Variants in CAMK1D observed in about 807,000 individuals in gnomAD.
CAMK1D encodes calcium/calmodulin dependent protein kinase ID.
CAMK1D carries 9 observed loss-of-function variants against 47.7 expected under a neutral mutation model. That is an observed-to-expected ratio of 0.19 (90% CI 0.11 to 0.33). CAMK1D has a LOEUF of 0.33. CAMK1D is among the 10% of genes least tolerant of loss of function. The pLI is 1.00. For missense variants in CAMK1D, 291 were observed against 488.7 expected, an observed-to-expected ratio of 0.60 and a Z score of 3.81; for synonymous variants, 184 against 184.9, an observed-to-expected ratio of 0.99 and a Z score of 0.04.
chr10:12,360,716 G>C (rs536678498), intron 1 of CAMK1D, among the ~76,000 whole-genome samples: 63 of 152,214 alleles, frequency 4.1e-4, no homozygotes, highest in African/African-American at 1.5e-3. Flanking sequence ...GGGAGTTGAG[G>C]GCTGAGTGAG....
chr10:12,811,894 G>A (rs1446409583), intron 6 of CAMK1D, among the ~76,000 whole-genome samples: 1 of 152,232 alleles, frequency 6.6e-6, no homozygotes, highest in African/African-American at 2.4e-5. Context: ...ATTTCCGTGG[G>A]CAGTGAACTA....
rs559745222 is a variant in CAMK1D at position 12,783,770 on chromosome 10, C to T, written c.566-7388C>T. On this transcript the variant is annotated intron_variant, in intron 5 of 10. Transcript: ENST00000619168. ...TTGAAGTCTCTCGAGTCTTTCCGTT[C>T]GCCAGGAATACTTGCTCTAAATCAA... Among the ~76,000 whole-genome samples the T allele has an allele frequency of 4.0e-4, 61 of 152,248 alleles. 1 individual carries two copies. The South Asian group carries it at 0.011, about 26-fold the overall frequency.
chr10:12,375,950 G>A (rs1368840321), intron 1 of CAMK1D, among the ~76,000 whole-genome samples: 1 of 151,846 alleles, frequency 6.6e-6, no homozygotes, highest in East Asian at 1.9e-4. Context: ...ATCACTTGAG[G>A]CCAGGAGTTC....
At chr10:12,606,484 C>T (rs1838465745) in intron 2 of CAMK1D, among the ~76,000 whole-genome samples, 1 of 152,176 alleles carries the variant, frequency 6.6e-6, no homozygotes, top group Non-Finnish European at 1.5e-5. Context: ...CCACGGACGG[C>T]CCTCCCTGGG....
intron 1 of CAMK1D, among the ~76,000 whole-genome samples, chr10:12,524,653 G>A (rs1835560232): frequency 6.6e-6 from 1 of 151,932 alleles, no homozygotes; most frequent in Non-Finnish European, 1.5e-5. Flanking sequence ...CTTGCAGTGA[G>A]CCAAGATGGC....
At chr10:12,696,342 G>C (rs1236148055) in intron 3 of CAMK1D, among the ~76,000 whole-genome samples, 2 of 152,070 alleles carry the variant, frequency 1.3e-5, no homozygotes, top group Non-Finnish European at 2.9e-5. Flanking sequence ...TTTGAGATCA[G>C]CCTGACCAAC....
intron 2 of CAMK1D, among the ~76,000 whole-genome samples, chr10:12,647,352 T>C (rs1564465903): frequency 1.3e-5 from 2 of 151,922 alleles, no homozygotes; most frequent in African/African-American, 4.8e-5. Context: ...TTTCACCATG[T>C]TGGCCAGGCT....
chr10:12,586,810 T>C (rs1025099038), intron 2 of CAMK1D, among the ~76,000 whole-genome samples: 1 of 152,200 alleles, frequency 6.6e-6, no homozygotes, highest in Non-Finnish European at 1.5e-5. Flanking sequence ...GAGCAGTCTT[T>C]TAAGTAAATA....
chr10:12,652,244 G>C (rs1387263046), intron 2 of CAMK1D, among the ~76,000 whole-genome samples: 1 of 151,798 alleles, frequency 6.6e-6, no homozygotes, highest in African/African-American at 2.4e-5. Flanking sequence ...TTTTTTGTTT[G>C]TTTATTTTTC....
At chr10:12,392,940 A>AAC (rs1209070552) in intron 1 of CAMK1D, among the ~76,000 whole-genome samples, 5 of 144,148 alleles carry the variant, frequency 3.5e-5, no homozygotes, top group Non-Finnish European at 6.1e-5. Flanking sequence ...ACACACACAC[A>AAC]ACACACACAC....
chr10:12,728,166 C>T (rs1157981655), intron 3 of CAMK1D, among the ~76,000 whole-genome samples: 2 of 152,178 alleles, frequency 1.3e-5, no homozygotes, highest in African/African-American at 2.4e-5. Flanking sequence ...CCAGATTTGT[C>T]ATGTGTGTTA....
intron 2 of CAMK1D, among the ~76,000 whole-genome samples, chr10:12,659,227 A>G (rs1226240255): frequency 6.6e-6 from 1 of 152,216 alleles, no homozygotes; most frequent in Non-Finnish European, 1.5e-5. Flanking sequence ...AAGCCATGCC[A>G]GTTGTTTGAA....
chr10:12,700,388 C>T (rs1388237095), intron 3 of CAMK1D, among the ~76,000 whole-genome samples: 3 of 152,098 alleles, frequency 2.0e-5, no homozygotes, highest in Admixed American at 6.5e-5. Context: ...TTATAAAAAC[C>T]ATCAGATCTT....
At chr10:12,492,122 G>GT (rs34381875) in intron 1 of CAMK1D, among the ~76,000 whole-genome samples, 4 of 151,826 alleles carry the variant, frequency 2.6e-5, no homozygotes, top group South Asian at 2.1e-4. Flanking sequence ...TAATTTTTTT[G>GT]TTTTTTTCAC....
chr10:12,794,507 A>G (rs1929390), intron 6 of CAMK1D, among the ~76,000 whole-genome samples: 2,014 of 152,264 alleles, frequency 0.013, 46 homozygotes, highest in African/African-American at 0.046. Context: ...GGTGCACCCA[A>G]ACCCTTATGA....
intron 3 of CAMK1D, among the ~76,000 whole-genome samples, chr10:12,675,240 A>G (rs1038635407): frequency 6.6e-6 from 1 of 152,092 alleles, no homozygotes; most frequent in African/African-American, 2.4e-5. Context: ...TAAGACTTCT[A>G]TTTCCATATG....
chr10:12,794,056 C>T (rs1259421234), intron 6 of CAMK1D, among the ~76,000 whole-genome samples: 2 of 152,140 alleles, frequency 1.3e-5, no homozygotes, highest in Non-Finnish European at 2.9e-5. Context: ...ATTATCCCAG[C>T]CACTCTGAAG....
intron 1 of CAMK1D, among the ~76,000 whole-genome samples, chr10:12,462,487 A>G (rs1001904352): frequency 2.7e-5 from 4 of 150,214 alleles, no homozygotes; most frequent in Non-Finnish European, 4.4e-5. Context: ...TTTTTTTTGA[A>G]TAAATGGTTA....
chr10:12,531,089 A>G (rs1475200321), intron 1 of CAMK1D, among the ~76,000 whole-genome samples: 1 of 151,032 alleles, frequency 6.6e-6, no homozygotes, highest in East Asian at 1.9e-4. Flanking sequence ...ATTGTCCAGG[A>G]TAAGACAATT....
Sources: allele counts gnomAD v4.1 joint callset (sites outside exome capture counted in the v4.1 genomes callset), GRCh38; gene constraint gnomAD v4.1.1; transcripts MANE v1.5; gene names NCBI Gene and HGNC (gene_info 2026-07-23, HGNC 2026-07-21).